DYM: variants seen among roughly 807,000 people sequenced by gnomAD.
The protein encoded by DYM is dymeclin, also known as dyggve-Melchior-Clausen syndrome protein.
In DYM, 78 loss-of-function variants were observed where a neutral mutation model predicts 93.1. The ratio of observed to expected loss-of-function variants is 0.84; its 90% CI spans 0.70 to 1.01. DYM has a LOEUF of 1.01. DYM is among the 50% of genes least tolerant of loss of function. The pLI is 0.00. For synonymous variants in DYM, 321 were observed against 319.7 expected (o/e 1.00, Z -0.04); for missense variants, 789 against 845.0 (o/e 0.93, Z 0.82).
At position 49,432,794 on chromosome 18, in the gene DYM, G is replaced by A. The variant is rs140885635; in HGVS notation, c.-53-2347C>T. On this transcript the variant is annotated intron_variant, in intron 1 of 17. Transcript: ENST00000675505. The stretch of plus-strand genomic sequence containing the variant: ...AAGCCCAGCTAATATTCTGTTATTT[G>A]GTAAAGATGGGGTCTCACTGTGTTG... 4.6e-3 allele frequency among the ~76,000 whole-genome samples: 699 copies of A among 151,690 alleles called. 2 individuals are homozygous for A. The highest frequency in any genetic ancestry group is 0.014 in the Middle Eastern group (4 of 294).
chr18:49,090,505 T>G (rs1256900978), intron 17 of DYM, among the ~76,000 whole-genome samples: 2 of 152,200 alleles, frequency 1.3e-5, no homozygotes, highest in East Asian at 3.8e-4. Context: ...TAGAAGCAGA[T>G]TTAGTCTGAA....
intron 13 of DYM, among the ~76,000 whole-genome samples, chr18:49,222,182 C>G (rs924551712): frequency 6.6e-6 from 1 of 151,772 alleles, no homozygotes; most frequent in Non-Finnish European, 1.5e-5. Context: ...ATACACGGAA[C>G]AGAATAAAGA....
At chr18:49,297,198 T>C (rs778730478) in intron 8 of DYM, among the ~76,000 whole-genome samples, 3 of 152,186 alleles carry the variant, frequency 2.0e-5, no homozygotes, top group African/African-American at 7.2e-5. Context: ...CAGACACTAG[T>C]GGTAGGATGA....
intron 15 of DYM, among the ~76,000 whole-genome samples, chr18:49,133,979 T>G (rs2144181340): frequency 6.6e-6 from 1 of 152,318 alleles, no homozygotes; most frequent in Non-Finnish European, 1.5e-5. Flanking sequence ...ATAGTACATC[T>G]GGACAAAGCA....
chr18:49,195,992 C>T lies in DYM; in HGVS notation c.1625+13559G>A, dbSNP rs557856429. Among the ~76,000 whole-genome samples, 4 of 129,548 alleles carry T rather than the reference C, an allele frequency of 3.1e-5. No homozygotes were observed. In the South Asian group the frequency reaches 7.7e-4, roughly 25 times the overall value. The allele number at this position is 129,548 out of a possible 152,430, so 85.0% of individuals were successfully genotyped here. ...AACTTGGAGTGCAGTGGTGCGATCT[C>T]GGCTCACTGCAACCTTCACCTCCCG... On this transcript the variant is annotated intron_variant, in intron 14 of 17. Transcript: ENST00000675505.
At chr18:49,138,236 T>C (rs1235258589) in intron 15 of DYM, among the ~76,000 whole-genome samples, 1 of 152,222 alleles carries the variant, frequency 6.6e-6, no homozygotes, top group Non-Finnish European at 1.5e-5. Flanking sequence ...ATTATAACCT[T>C]CTAAATGGCT....
At chr18:49,326,691 A>C (rs929170652) in intron 8 of DYM, among the ~76,000 whole-genome samples, 1 of 152,324 alleles carries the variant, frequency 6.6e-6, no homozygotes, top group African/African-American at 2.4e-5. Context: ...AGATAGATAA[A>C]TTGATAGCAG....
chr18:49,055,348 C>A (rs758223692), intron 17 of DYM, among the ~76,000 whole-genome samples: 7 of 152,118 alleles, frequency 4.6e-5, no homozygotes, highest in Admixed American at 4.6e-4. Flanking sequence ...GACAGAGACT[C>A]GTGATCTAAA....
intron 13 of DYM, among the ~76,000 whole-genome samples, chr18:49,241,402 T>C (rs190603809): frequency 1.6e-4 from 25 of 152,342 alleles, no homozygotes; most frequent in African/African-American, 4.6e-4. Flanking sequence ...CTCAGTTTCC[T>C]CACCTATTAA....
rs547941471 is a variant in DYM at position 49,197,601 on chromosome 18, G to C, written c.1625+11950C>G. Among the ~76,000 whole-genome samples, 465 of 152,140 alleles carry C rather than the reference G, an allele frequency of 3.1e-3. 2 individuals carry two copies. Among genetic ancestry groups the C allele is most frequent in the African/African-American group, 9.9e-3 (410 of 41,520 alleles). On this transcript the variant is annotated intron_variant, in intron 14 of 17. Coordinates refer to ENST00000675505, the MANE Select transcript of DYM (RefSeq NM_001353214.3). ...AATTTTTAAAAATTTATCTATTATA[G>C]CCAAATCATGAGTGAACTCCCATTC...
chr18:49,361,010 T>C (rs543044609), intron 6 of DYM, among the ~76,000 whole-genome samples: 1 of 152,294 alleles, frequency 6.6e-6, no homozygotes, highest in South Asian at 2.1e-4. Context: ...GCTCTGCAAG[T>C]TCATGACTTC....
intron 17 of DYM, among the ~76,000 whole-genome samples, chr18:49,079,092 T>C (rs2077558022): frequency 6.6e-6 from 1 of 152,258 alleles, no homozygotes; most frequent in Non-Finnish European, 1.5e-5. Context: ...GCATCTCATA[T>C]CTGCAACTGT....
chr18:49,120,968 T>C (rs2082327146), intron 15 of DYM, among the ~76,000 whole-genome samples: 1 of 152,106 alleles, frequency 6.6e-6, no homozygotes, highest in Non-Finnish European at 1.5e-5. Context: ...GGTGAGCCAC[T>C]GAACCCAGCC....
At chr18:49,083,539 C>T (rs111689145) in intron 17 of DYM, among the ~76,000 whole-genome samples, 3,772 of 152,210 alleles carry the variant, frequency 0.025, 150 homozygotes, top group African/African-American at 0.084. Context: ...GGTAGCATTC[C>T]TTTTTCTTAC....
chr18:49,080,346 C>G (rs1196796188), intron 17 of DYM, among the ~76,000 whole-genome samples: 2 of 135,542 alleles, frequency 1.5e-5, no homozygotes, highest in Admixed American at 7.1e-5. Flanking sequence ...CTGACCCCCC[C>G]CAACTCCCTC....
chr18:49,348,907 CA>C (rs11398177), intron 6 of DYM, among the ~76,000 whole-genome samples: 77 of 123,248 alleles, frequency 6.2e-4, no homozygotes, highest in African/African-American at 1.3e-3. Flanking sequence ...GACTCCTCAC[CA>C]AAAAAAAAAA....
chr18:49,199,929 T>C (rs1303042540), intron 14 of DYM, among the ~76,000 whole-genome samples: 1 of 151,600 alleles, frequency 6.6e-6, no homozygotes, highest in African/African-American at 2.4e-5. Context: ...AGTTGAGATA[T>C]AAAAATGATT....
intron 3 of DYM, among the ~76,000 whole-genome samples, chr18:49,391,046 G>C (rs140745120): frequency 2.5e-3 from 374 of 152,278 alleles, no homozygotes; most frequent in African/African-American, 8.7e-3. Context: ...ATGACTACAT[G>C]ACACACATTG....
At chr18:49,050,500 C>T (rs1010798723) in intron 17 of DYM, among the ~76,000 whole-genome samples, 1 of 152,118 alleles carries the variant, frequency 6.6e-6, no homozygotes, top group African/African-American at 2.4e-5. Context: ...TGTATGTGAC[C>T]TAGGTGTTTA....
Sources: allele counts gnomAD v4.1 joint callset (sites outside exome capture counted in the v4.1 genomes callset), GRCh38; gene constraint gnomAD v4.1.1; transcripts MANE v1.5; gene names NCBI Gene and HGNC (gene_info 2026-07-23, HGNC 2026-07-21).